GNAI3: variants seen among roughly 807,000 people sequenced by gnomAD.
GNAI3 encodes the protein guanine nucleotide-binding protein G(i) subunit alpha-3.
In GNAI3, 12 loss-of-function variants were observed where a neutral mutation model predicts 41.8. The observed-to-expected ratio is 0.29, with a 90% CI of 0.18 to 0.47. GNAI3 has a LOEUF of 0.47. Ranked by LOEUF, GNAI3 falls within the 20% of genes least tolerant of loss-of-function variation. The probability of loss-of-function intolerance (pLI) is 1.00; values close to 1 mark genes in which losing one functional copy is unlikely to be tolerated. For synonymous variants in GNAI3, 132 were observed against 146.5 expected, an observed-to-expected ratio of 0.90 and a Z score of 0.71; for missense variants, 360 against 429.6, an observed-to-expected ratio of 0.84 and a Z score of 1.43.
Position 109,594,773 on chromosome 1 carries a change from T to C in GNAI3, c.*2451T>C, listed in dbSNP as rs2101115038. The C allele has an allele frequency of 6.6e-6, 1 of 150,784 alleles. No individual in the cohort carries two copies. The highest frequency in any genetic ancestry group is 2.1e-4 in the South Asian group (1 of 4,692). 9.3% of individuals were successfully genotyped at this position (150,784 alleles called of 1,614,324 possible). On this transcript the variant is annotated 3_prime_UTR_variant, in exon 9 of 9. Coordinates refer to ENST00000369851, the MANE Select transcript of GNAI3 (RefSeq NM_006496.4). Reference sequence around the variant, plus strand: ...GTTCATGCTATTCTCCTGCTGGGACTACCAGGTTCCTGCCACCACGCCCAG... The same window carrying C: ...GTTCATGCTATTCTCCTGCTGGGACCACCAGGTTCCTGCCACCACGCCCAG...
intron 7 of GNAI3, 89 bp from the exon 8 acceptor site, chr1:109,591,954 C>T: frequency 1.5e-6 from 1 of 681,244 alleles, no homozygotes; most frequent in South Asian, 2.4e-5. Context: ...GTTATGTTCC[C>T]TCTCCATAAG....
chr1:109,581,416 G>T (rs1400670293), intron 4 of GNAI3, among the ~76,000 whole-genome samples: 1 of 151,996 alleles, frequency 6.6e-6, no homozygotes, highest in African/African-American at 2.4e-5. Flanking sequence ...GGTTAAACAC[G>T]CATGACCTAT....
rs1188428179 is a variant in GNAI3, at chr1:109,595,564, C to G, written c.*3242C>G. 1.3e-5 allele frequency: 2 copies of G among 152,018 alleles called. No homozygotes were observed. Among genetic ancestry groups the G allele is most frequent in the Non-Finnish European group, 2.9e-5 (2 of 68,020 alleles). The allele number at this position is 152,018 out of a possible 1,614,324, so 9.4% of individuals were successfully genotyped here. Reference sequence around the variant, plus strand: ...ACATTAGACTATTTTAAAATAACAGCTGGTTTTTGTAATTCATTCATTCAC... The same window carrying G: ...ACATTAGACTATTTTAAAATAACAGGTGGTTTTTGTAATTCATTCATTCAC... On this transcript the variant is annotated 3_prime_UTR_variant, in exon 9 of 9. Transcript: ENST00000369851.
intron 1 of GNAI3, among the ~76,000 whole-genome samples, chr1:109,571,851 G>C (rs1368082393): frequency 6.6e-6 from 1 of 152,118 alleles, no homozygotes; most frequent in African/African-American, 2.4e-5. Context: ...CTGGGAGGCA[G>C]ATGTTGCAGT....
intron 1 of GNAI3, among the ~76,000 whole-genome samples, chr1:109,558,791 T>C (rs1648227532): frequency 6.6e-6 from 1 of 152,222 alleles, no homozygotes; most frequent in Admixed American, 6.5e-5. Flanking sequence ...AGAGTTTAGC[T>C]ATCCATGCTT....
In GNAI3 at chr1:109,586,281, C is replaced by T. The variant is rs754856898; in HGVS notation, c.656C>T (p.Thr219Ile). The change falls in exon 6 of 9, where the codon ACA becomes ATA. Residue 219 changes from threonine to isoleucine, a missense_variant. By Grantham distance (89) the Thr-to-Ile change is moderately conservative. Coordinates refer to ENST00000369851, the MANE Select transcript of GNAI3 (RefSeq NM_006496.4). ...TGGATTCACTGTTTTGAGGGAGTGA[C>T]AGCAATTATCTTCTGTGTGGCCCTC... ...KKWIHCFEGV[T>I]AIIFCVALSD... 2 of 1,613,018 alleles carry T rather than the reference C, an allele frequency of 1.2e-6. No individual in the cohort carries two copies. Among genetic ancestry groups the T allele is most frequent in the Non-Finnish European group, 1.7e-6 (2 of 1,179,090 alleles).
At chr1:109,573,442 G>A (rs1230070057) in intron 1 of GNAI3, among the ~76,000 whole-genome samples, 3 of 152,130 alleles carry the variant, frequency 2.0e-5, no homozygotes, top group Non-Finnish European at 4.4e-5. Context: ...TAGTGAATGA[G>A]TTCCTCCAAA....
intron 1 of GNAI3, among the ~76,000 whole-genome samples, chr1:109,572,827 G>T (rs1648643663): frequency 6.6e-6 from 1 of 152,186 alleles, no homozygotes; most frequent in Admixed American, 6.5e-5. Context: ...AATTGCAGCA[G>T]CCATGACCTT....
chr1:109,573,939 T>C lies in GNAI3; in HGVS notation c.205T>C (p.Tyr69His). ...DGYSEDECKQYKVVVYSNTIQ... is the reference protein window; with the variant it reads ...DGYSEDECKQHKVVVYSNTIQ... ...CTATTCAGAGGATGAATGTAAACAATATAAAGTAGTTGTCTACAGCAATAC... is the reference window on the plus strand; with the variant it reads ...CTATTCAGAGGATGAATGTAAACAACATAAAGTAGTTGTCTACAGCAATAC... The change falls in exon 3 of 9, where the codon TAT becomes CAT. Residue 69 changes from tyrosine (Y) to histidine (H), a missense_variant. Physicochemically the swap from Tyr to His is moderately conservative, Grantham distance 83 (BLOSUM62 2). Coordinates refer to ENST00000369851, the MANE Select transcript of GNAI3 (RefSeq NM_006496.4). The C allele has an allele frequency of 6.2e-7, 1 of 1,604,370 alleles. No individual in the cohort carries two copies.
chr1:109,579,557 G>A (rs148352730), intron 4 of GNAI3, among the ~76,000 whole-genome samples, 196 bp downstream of exon 4: 95 of 152,280 alleles, frequency 6.2e-4, no homozygotes, highest in African/African-American at 2.1e-3. Flanking sequence ...GTTCCCTCTT[G>A]GAATGTAAAT....
intron 1 of GNAI3, 143 bp from the exon 2 acceptor site, chr1:109,573,594 A>T: frequency 1.6e-6 from 1 of 645,100 alleles, no homozygotes; most frequent in Middle Eastern, 4.2e-4. Context: ...AGCTCCATAC[A>T]TTTTCTTGAT....
intron 1 of GNAI3, among the ~76,000 whole-genome samples, chr1:109,552,719 T>G (rs1235643824): frequency 6.6e-6 from 1 of 152,094 alleles, no homozygotes; most frequent in African/African-American, 2.4e-5. Context: ...GCGGGTTTTG[T>G]TTTTGTTTTT....
chr1:109,575,994 A>G (rs1648731425), intron 3 of GNAI3, among the ~76,000 whole-genome samples: 1 of 152,072 alleles, frequency 6.6e-6, no homozygotes, highest in Non-Finnish European at 1.5e-5. Flanking sequence ...TAATTTTTAA[A>G]CATTGCTTTT....
At chr1:109,550,741 G>T (rs1003852021) in intron 1 of GNAI3, among the ~76,000 whole-genome samples, 2 of 152,182 alleles carry the variant, frequency 1.3e-5, no homozygotes, top group Non-Finnish European at 2.9e-5. Context: ...CACCGTGTTA[G>T]CCAGGATGGT....
chr1:109,567,794 A>C (rs1648494743), intron 1 of GNAI3, among the ~76,000 whole-genome samples: 1 of 152,190 alleles, frequency 6.6e-6, no homozygotes, highest in Non-Finnish European at 1.5e-5. Context: ...CATTTATGGA[A>C]CATTTACTAT....
chr1:109,570,885 C>A (rs1648580090), intron 1 of GNAI3, among the ~76,000 whole-genome samples: 1 of 152,176 alleles, frequency 6.6e-6, no homozygotes, highest in Non-Finnish European at 1.5e-5. Context: ...CACCTACTGA[C>A]TGGCAAACTG....
intron 3 of GNAI3, among the ~76,000 whole-genome samples, chr1:109,576,502 GT>G (rs869033106): frequency 2.9e-4 from 42 of 144,352 alleles, no homozygotes; most frequent in South Asian, 4.4e-4. Flanking sequence ...GGCCTCTTCT[GT>G]TTTTTTTTTT....
chr1:109,555,621 G>T (rs1298628587), intron 1 of GNAI3, among the ~76,000 whole-genome samples: 1 of 152,042 alleles, frequency 6.6e-6, no homozygotes, highest in Non-Finnish European at 1.5e-5. Context: ...ATTTCACAGG[G>T]CATGTAAGGT....
rs1344415101 is a variant in GNAI3 at position 109,596,176 on chromosome 1, C to T, written c.*3854C>T. On this transcript the variant is annotated 3_prime_UTR_variant, in exon 9 of 9. Transcript: ENST00000369851. ...CAACTATCAGGGAGTAAAAGAAAGC[C>T]TTTTTCAGGCACTGGAGAACTAACT... The T allele has an allele frequency of 6.6e-6, 1 of 152,076 alleles. No homozygotes were observed. The highest frequency in any genetic ancestry group is 1.5e-5 in the Non-Finnish European group (1 of 67,994). The allele number at this position is 152,076 out of a possible 1,614,324, so 9.4% of individuals were successfully genotyped here. A position where few individuals can be genotyped will look rare whatever the true frequency, so the allele number is the denominator to read the frequency against.
Sources: allele counts gnomAD v4.1 joint callset (sites outside exome capture counted in the v4.1 genomes callset), GRCh38; gene constraint gnomAD v4.1.1; transcripts MANE v1.5; gene names NCBI Gene and HGNC (gene_info 2026-07-23, HGNC 2026-07-21).